DNAH11: variants seen among roughly 807,000 people sequenced by gnomAD.
The protein encoded by DNAH11 is axonemal beta dynein heavy chain 11.
In DNAH11, 442 loss-of-function variants were observed where a neutral mutation model predicts 526.0. The observed-to-expected ratio is 0.84, with a 90% CI of 0.78 to 0.91. DNAH11 has a LOEUF of 0.91. Ranked by LOEUF, DNAH11 falls within the 40% of genes least tolerant of loss-of-function variation. DNAH11 has a pLI of 0.00. For missense variants in DNAH11, 6,989 were observed against 5,448.7 expected (o/e 1.28, Z -8.90); for synonymous variants, 2,461 against 1,935.9 (o/e 1.27, Z -7.12).
intron 66 of DNAH11, among the ~76,000 whole-genome samples, chr7:21,852,145 C>T (rs1383094983): frequency 1.3e-5 from 2 of 152,104 alleles, no homozygotes; most frequent in Non-Finnish European, 2.9e-5. Flanking sequence ...TGGCTCACGC[C>T]TGTAATGGCA....
chr7:21,707,468 T>C (rs1025001368), intron 39 of DNAH11, among the ~76,000 whole-genome samples: 2 of 152,246 alleles, frequency 1.3e-5, no homozygotes, highest in African/African-American at 4.8e-5. Context: ...TTAGTCTAAA[T>C]GGTTCAAAGA....
rs140031632 is a variant in DNAH11, at chr7:21,641,947, G to A, written c.4944+2882G>A. Among the ~76,000 whole-genome samples, 31 of 152,240 alleles carry A rather than the reference G, an allele frequency of 2.0e-4. No homozygotes were observed. The East Asian group carries it at 2.7e-3, about 13-fold the overall frequency. ...TGAAGCTGAATGTTAAAATCATAGC[G>A]TAGAGCTCTCCAAACTCCCTCACAG... is the stretch of plus-strand genomic sequence containing the variant. On this transcript the variant is annotated intron_variant, in intron 28 of 81. Coordinates refer to ENST00000409508, the MANE Select transcript of DNAH11 (RefSeq NM_001277115.2).
intron 25 of DNAH11, among the ~76,000 whole-genome samples, chr7:21,633,577 A>G (rs1217987970): frequency 6.6e-6 from 1 of 152,190 alleles, no homozygotes; most frequent in African/African-American, 2.4e-5. Context: ...TACTCAACAT[A>G]TGTTTATTTA....
At chr7:21,715,814 A>G (rs1030205406) in intron 42 of DNAH11, among the ~76,000 whole-genome samples, 4 of 151,472 alleles carry the variant, frequency 2.6e-5, no homozygotes, top group Non-Finnish European at 4.4e-5. Context: ...ATCCTATGCT[A>G]TGTGGTGTGA....
At chr7:21,856,611 A>T (rs971550519) in intron 68 of DNAH11, among the ~76,000 whole-genome samples, 1 of 152,222 alleles carries the variant, frequency 6.6e-6, no homozygotes, top group Non-Finnish European at 1.5e-5. Context: ...GAATCCAACC[A>T]TATATAAAAA....
At chr7:21,751,100 G>C (rs1251754281) in intron 54 of DNAH11, among the ~76,000 whole-genome samples, 1 of 152,064 alleles carries the variant, frequency 6.6e-6, no homozygotes, top group African/African-American at 2.4e-5. Context: ...ATGGTGGGTG[G>C]ATCACCTGAG....
chr7:21,882,368 A>T (rs1362385504), intron 75 of DNAH11, among the ~76,000 whole-genome samples: 1 of 152,142 alleles, frequency 6.6e-6, no homozygotes, highest in Non-Finnish European at 1.5e-5. Context: ...TCTGCACATC[A>T]CAAGGCGACT....
At chr7:21,816,149 G>C (rs945339205) in intron 63 of DNAH11, among the ~76,000 whole-genome samples, 3 of 152,120 alleles carry the variant, frequency 2.0e-5, no homozygotes, top group African/African-American at 7.2e-5. Flanking sequence ...TATTTCTGGT[G>C]TCCTGCCATT....
chr7:21,898,871 T>A lies in DNAH11; in HGVS notation c.13050-465T>A, dbSNP rs139375373. 3.2e-4 allele frequency among the ~76,000 whole-genome samples: 49 copies of A among 152,326 alleles called. 1 individual carries two copies. In the East Asian group the frequency reaches 9.3e-3, roughly 29 times the overall value. ...CTTAGACTGCCGTCACGTGCTCCACTGCCTCCGCACATGCTGTTCCCTCTG... is the reference window on the plus strand; with the variant it reads ...CTTAGACTGCCGTCACGTGCTCCACAGCCTCCGCACATGCTGTTCCCTCTG... On this transcript the variant is annotated intron_variant, in intron 79 of 81. Coordinates refer to ENST00000409508, the MANE Select transcript of DNAH11 (RefSeq NM_001277115.2).
chr7:21,848,920 T>C (rs182889416), intron 66 of DNAH11, among the ~76,000 whole-genome samples: 311 of 152,290 alleles, frequency 2.0e-3, no homozygotes, highest in African/African-American at 7.3e-3. Flanking sequence ...GGTTTCACTC[T>C]TGTTGCCCAG....
chr7:21,738,668 T>G, intron 46 of DNAH11, 33 bp from the exon 47 acceptor site: 1 of 1,527,550 alleles, frequency 6.5e-7, no homozygotes, highest in Admixed American at 2.2e-5. Context: ...TACATTCTGT[T>G]GATGGGTGGA....
In DNAH11 at chr7:21,739,815, C is replaced by CA. The variant is rs1167782435; in HGVS notation, c.7914+143dup. On this transcript the variant is annotated intron_variant, in intron 48 of 81. Coordinates refer to ENST00000409508, the MANE Select transcript of DNAH11 (RefSeq NM_001277115.2). ...ATATTTTATTCCCACTAACAACAGA[C>CA]AGGGGTTCTAATAAGCCTTTTTGTT... 8.1e-6 allele frequency: 5 copies of CA among 614,646 alleles called. No homozygotes were observed. The African/African-American group carries it at 9.8e-5, about 12-fold the overall frequency. 38.1% of individuals were successfully genotyped at this position (614,646 alleles called of 1,614,324 possible).
chr7:21,888,052 G>C (rs1784192758), intron 76 of DNAH11, among the ~76,000 whole-genome samples: 1 of 152,196 alleles, frequency 6.6e-6, no homozygotes, highest in South Asian at 2.1e-4. Context: ...CAATACGGGA[G>C]ACCAGAGTTC....
chr7:21,792,978 T>C (rs1008405561), intron 61 of DNAH11, among the ~76,000 whole-genome samples: 2 of 152,166 alleles, frequency 1.3e-5, no homozygotes, highest in Admixed American at 1.3e-4. Flanking sequence ...GTTATTTGAA[T>C]GTTGTTTATT....
At position 21,619,105 on chromosome 7, in the gene DNAH11, G is replaced by A. The variant is rs751806796; in HGVS notation, c.4260G>A (p.Lys1420=). The A allele has an allele frequency of 1.2e-5, 19 of 1,613,396 alleles. No homozygotes were observed. In the South Asian group the frequency reaches 1.9e-4, roughly 16 times the overall value. The part of the protein sequence containing the change: ...WHQLMKAIGV[K]FLINEATTLA... The stretch of plus-strand genomic sequence containing the variant: ...ACTTTTTTTCCCCCAATCAGGTCAA[G>A]TTTTTAATAAATGAAGCCACAACTT... Residue 1420 remains lysine, a synonymous_variant, in exon 24 of 82, where the codon AAG becomes AAA. Coordinates refer to ENST00000409508, the MANE Select transcript of DNAH11 (RefSeq NM_001277115.2).
intron 5 of DNAH11, chr7:21,561,533 T>C (rs536418227): frequency 6.0e-6 from 1 of 165,482 alleles, no homozygotes; most frequent in African/African-American, 2.4e-5. Context: ...TTCAGTTCTC[T>C]GAGTGTGCTT....
intron 57 of DNAH11, among the ~76,000 whole-genome samples, chr7:21,781,626 A>C (rs978926160): frequency 6.6e-5 from 10 of 152,298 alleles, no homozygotes; most frequent in Admixed American, 3.9e-4. Context: ...TGGAATGGCC[A>C]TCAGTTTTTG....
At chr7:21,705,687 T>TGGA in intron 39 of DNAH11, 150 bp downstream of exon 39, 2 of 703,288 alleles carry the variant, frequency 2.8e-6, no homozygotes, top group Non-Finnish European at 4.8e-6. Context: ...ATCTTGCTGC[T>TGGA]TGATCAATTG....
At chr7:21,546,029 G>A (rs1238325364) in intron 2 of DNAH11, among the ~76,000 whole-genome samples, 2 of 152,174 alleles carry the variant, frequency 1.3e-5, no homozygotes, top group East Asian at 1.9e-4. Flanking sequence ...AATGTACAGT[G>A]AGCTTTGGGA....
Sources: allele counts gnomAD v4.1 joint callset (sites outside exome capture counted in the v4.1 genomes callset), GRCh38; gene constraint gnomAD v4.1.1; transcripts MANE v1.5; gene names NCBI Gene and HGNC (gene_info 2026-07-23, HGNC 2026-07-21).